RBFOX3: variants seen among roughly 807,000 people sequenced by gnomAD.
RBFOX3 encodes RNA binding protein fox-1 homolog 3.
RBFOX3 carries 17 observed loss-of-function variants against 48.7 expected under a neutral mutation model. That is an observed-to-expected ratio of 0.35 (90% CI 0.24 to 0.52). The LOEUF (loss-of-function observed/expected upper bound fraction) is 0.52, where lower values mean the gene tolerates loss of function less well. Ranked by LOEUF, RBFOX3 falls within the 20% of genes least tolerant of loss-of-function variation. RBFOX3 has a pLI of 0.94. For missense variants in RBFOX3, 382 were observed against 497.5 expected, an observed-to-expected ratio of 0.77 and a Z score of 2.21; for synonymous variants, 212 against 209.5, an observed-to-expected ratio of 1.01 and a Z score of -0.10.
chr17:79,374,894 C>T (rs1399510676), intron 2 of RBFOX3, among the ~76,000 whole-genome samples: 1 of 152,168 alleles, frequency 6.6e-6, no homozygotes, highest in East Asian at 1.9e-4. Flanking sequence ...CATCCACAGC[C>T]CTTGCTCCTC....
intron 2 of RBFOX3, among the ~76,000 whole-genome samples, chr17:79,332,990 GA>G (rs1199194183): frequency 2.0e-5 from 3 of 151,680 alleles, no homozygotes; most frequent in African/African-American, 7.3e-5. Context: ...GAGAGACAGA[GA>G]GAGAGAAACA....
chr17:79,263,344 T>C (rs1232459981), intron 3 of RBFOX3, among the ~76,000 whole-genome samples: 3 of 152,248 alleles, frequency 2.0e-5, no homozygotes, highest in African/African-American at 7.2e-5. Flanking sequence ...ACGCTGGTAT[T>C]TTACAGGCAC....
chr17:79,660,497 C>A, the RBFOX3 span, among the ~76,000 whole-genome samples: 2 of 152,132 alleles, frequency 1.3e-5, no homozygotes, highest in Non-Finnish European at 1.5e-5. Context: ...TATGAACAGA[C>A]ACATCTCAAA....
At chr17:79,536,154 G>A (rs2088699274) in intron 1 of RBFOX3, among the ~76,000 whole-genome samples, 2 of 145,084 alleles carry the variant, frequency 1.4e-5, no homozygotes, top group Admixed American at 1.4e-4. Context: ...TCAGCTTACT[G>A]CAACCTCTGC....
At chr17:79,263,192 C>A (rs2066089957) in intron 3 of RBFOX3, among the ~76,000 whole-genome samples, 1 of 152,230 alleles carries the variant, frequency 6.6e-6, no homozygotes, top group Non-Finnish European at 1.5e-5. Context: ...CTCCCCCAAC[C>A]TTTGGAGGGC....
intron 2 of RBFOX3, among the ~76,000 whole-genome samples, chr17:79,385,794 C>A (rs535719503): frequency 2.4e-4 from 36 of 151,770 alleles, no homozygotes; most frequent in Non-Finnish European, 4.1e-4. Context: ...CCATTACTTC[C>A]TGTAACAGAT....
chr17:79,239,931 C>T (rs1381587510), intron 3 of RBFOX3, among the ~76,000 whole-genome samples: 2 of 152,234 alleles, frequency 1.3e-5, no homozygotes, highest in African/African-American at 4.8e-5. Flanking sequence ...CATTTATCCA[C>T]CTGGAGAGGC....
At chr17:79,126,826 C>T (rs1043905442) in intron 4 of RBFOX3, among the ~76,000 whole-genome samples, 71 of 152,188 alleles carry the variant, frequency 4.7e-4, no homozygotes, top group South Asian at 6.2e-4. Flanking sequence ...GCTTTACTAA[C>T]GAGGAGGCTC....
chr17:79,152,422 G>A (rs910280047), intron 4 of RBFOX3, among the ~76,000 whole-genome samples: 9 of 151,708 alleles, frequency 5.9e-5, no homozygotes, highest in African/African-American at 2.2e-4. Context: ...GGCCGCAGCC[G>A]AGGCAAGGAA....
chr17:79,555,202 C>A (rs1197914256), intron 1 of RBFOX3, among the ~76,000 whole-genome samples: 4 of 152,380 alleles, frequency 2.6e-5, no homozygotes, highest in Admixed American at 2.6e-4. Flanking sequence ...TGGGTGATAG[C>A]TATCACATAC....
Position 79,480,259 on chromosome 17 carries a change from C to T in RBFOX3, c.-175+2195G>A, listed in dbSNP as rs1434133868. Among the ~76,000 whole-genome samples the T allele has an allele frequency of 6.6e-6, 1 of 152,150 alleles. No individual in the cohort carries two copies. The highest frequency in any genetic ancestry group is 2.4e-5 in the African/African-American group (1 of 41,424). ...TTACGGAATGGGGTGACAGCCGTTTCAGCAGAGGAGGGGAGTTGTTTAAGG... is the reference window on the plus strand; with the variant it reads ...TTACGGAATGGGGTGACAGCCGTTTTAGCAGAGGAGGGGAGTTGTTTAAGG... On this transcript the variant is annotated intron_variant, in intron 2 of 14. Coordinates refer to ENST00000693108, the MANE Select transcript of RBFOX3 (RefSeq NM_001350451.2). The surrounding 1 kb of genome is among the most constrained non-coding windows in gnomAD (Gnocchi z 4.8).
At chr17:79,332,103 C>T (rs930232078) in intron 2 of RBFOX3, among the ~76,000 whole-genome samples, 3 of 152,174 alleles carry the variant, frequency 2.0e-5, no homozygotes, top group Admixed American at 6.5e-5. Context: ...CAGGGTCATC[C>T]GAAAACCAGA....
chr17:79,228,378 C>T (rs1398674692), intron 4 of RBFOX3, among the ~76,000 whole-genome samples: 4 of 152,180 alleles, frequency 2.6e-5, no homozygotes, highest in South Asian at 2.1e-4. Context: ...AAGCGGAACA[C>T]GCCCGGACAA....
At chr17:79,516,777 C>T (rs1056839432) in intron 1 of RBFOX3, among the ~76,000 whole-genome samples, 98 of 152,308 alleles carry the variant, frequency 6.4e-4, no homozygotes, top group African/African-American at 2.2e-3. Flanking sequence ...GACGGATGGA[C>T]GCGATGCGCT....
At chr17:79,459,694 T>C (rs1669500429) in intron 2 of RBFOX3, among the ~76,000 whole-genome samples, 1 of 151,888 alleles carries the variant, frequency 6.6e-6, no homozygotes, top group Non-Finnish European at 1.5e-5. Flanking sequence ...CTTGACACAA[T>C]GGCAGGTATT....
intron 4 of RBFOX3, among the ~76,000 whole-genome samples, chr17:79,164,948 C>T (rs1004681522): frequency 3.3e-5 from 5 of 152,196 alleles, no homozygotes; most frequent in African/African-American, 9.7e-5. Context: ...CCCTTAGTGC[C>T]GGGAAGAAAA....
chr17:79,352,560 C>G (rs546340528), intron 2 of RBFOX3, among the ~76,000 whole-genome samples: 66 of 152,314 alleles, frequency 4.3e-4, no homozygotes, highest in Middle Eastern at 3.4e-3. Flanking sequence ...ATTCACTGGC[C>G]AGGCACCGCT....
intron 2 of RBFOX3, among the ~76,000 whole-genome samples, chr17:79,468,670 G>A (rs904553763): frequency 2.1e-4 from 31 of 148,216 alleles, no homozygotes; most frequent in African/African-American, 7.6e-4. Flanking sequence ...TGGATGGATA[G>A]ATAGATAGGA....
At chr17:79,274,806 T>G (rs1183688085) in intron 3 of RBFOX3, among the ~76,000 whole-genome samples, 1 of 151,790 alleles carries the variant, frequency 6.6e-6, no homozygotes, top group African/African-American at 2.4e-5. Context: ...CTCCTGCCCA[T>G]CCTCCCTGAC....
Sources: allele counts gnomAD v4.1 joint callset (sites outside exome capture counted in the v4.1 genomes callset), GRCh38; gene constraint gnomAD v4.1.1; non-coding constraint Gnocchi (gnomAD v3.1); transcripts MANE v1.5; gene names NCBI Gene and HGNC (gene_info 2026-07-23, HGNC 2026-07-21).